The following PARD3B variants were observed in gnomAD, a reference collection of about 807,000 sequenced individuals.
PARD3B encodes the protein par-3 family cell polarity regulator beta, also known as partitioning defective 3 homolog B.
PARD3B carries 103 observed loss-of-function variants against 130.2 expected under a neutral mutation model. That is an observed-to-expected ratio of 0.79 (90% CI 0.67 to 0.93). The LOEUF is 0.93. PARD3B is among the 40% of genes least tolerant of loss of function. PARD3B has a pLI of 0.00. For missense variants in PARD3B, 1,609 were observed against 1,499.2 expected, an observed-to-expected ratio of 1.07 and a Z score of -1.21; for synonymous variants, 583 against 553.2, an observed-to-expected ratio of 1.05 and a Z score of -0.76.
chr2:205,057,601 ATATGTGTATGTG>A (rs140277636), intron 4 of PARD3B, among the ~76,000 whole-genome samples: 8 of 73,626 alleles, frequency 1.1e-4, no homozygotes, highest in African/African-American at 4.2e-4. Flanking sequence ...ATATATACAT[ATATGTGTATGTG>A]TATGTGTATA....
intron 2 of PARD3B, among the ~76,000 whole-genome samples, chr2:204,720,819 C>T (rs571990679): frequency 4.1e-4 from 62 of 152,144 alleles, no homozygotes; most frequent in African/African-American, 1.4e-3. Flanking sequence ...CTTTCTCATG[C>T]GGAAGTTTCA....
chr2:204,629,692 T>C (rs1403229135), intron 1 of PARD3B, among the ~76,000 whole-genome samples: 1 of 152,186 alleles, frequency 6.6e-6, no homozygotes, highest in East Asian at 1.9e-4. Flanking sequence ...TTACCTGAAG[T>C]ATCTTATTAA....
At chr2:205,552,177 A>G (rs1356284192) in intron 21 of PARD3B, among the ~76,000 whole-genome samples, 1 of 152,156 alleles carries the variant, frequency 6.6e-6, no homozygotes, top group Admixed American at 6.5e-5. Flanking sequence ...GCTGATGGAA[A>G]AGACTCCAAG....
chr2:205,280,940 G>A lies in PARD3B; in HGVS notation c.2186-19590G>A, dbSNP rs548887537. Among the ~76,000 whole-genome samples, 22 of 152,288 alleles carry A rather than the reference G, an allele frequency of 1.4e-4. No homozygotes were observed. The highest frequency in any genetic ancestry group is 2.1e-4 in the South Asian group (1 of 4,826). ...TTGATTCCTTTTATTACTAGCAGCCGTTTAACCTGACCTCTTCCAGATCCA... is the reference window on the plus strand; with the variant it reads ...TTGATTCCTTTTATTACTAGCAGCCATTTAACCTGACCTCTTCCAGATCCA... On this transcript the variant is annotated intron_variant, in intron 16 of 22. Transcript: ENST00000406610. The surrounding 1 kb of genome is among the most constrained non-coding windows in gnomAD (Gnocchi z 4.7).
chr2:204,983,350 A>G (rs958711120), intron 3 of PARD3B, among the ~76,000 whole-genome samples: 1 of 148,494 alleles, frequency 6.7e-6, no homozygotes, highest in Non-Finnish European at 1.5e-5. Flanking sequence ...GAAGGTTCCA[A>G]CCGAGGCTTT....
rs954795787 is a variant in PARD3B, at chr2:205,318,401, T to C, written c.2630+16700T>C. 6.0e-4 allele frequency among the ~76,000 whole-genome samples: 92 copies of C among 152,164 alleles called. 1 individual carries two copies. The highest frequency in any genetic ancestry group is 6.0e-3 in the Admixed American group (91 of 15,284). ...TGTCATTGTCCCCTCCCTAGCTCTGTCATGTCTTTGTTATTCCCATACTAT... is the reference window on the plus strand; with the variant it reads ...TGTCATTGTCCCCTCCCTAGCTCTGCCATGTCTTTGTTATTCCCATACTAT... On this transcript the variant is annotated intron_variant, in intron 18 of 22. Coordinates refer to ENST00000406610, the MANE Select transcript of PARD3B (RefSeq NM_001302769.2).
intron 1 of PARD3B, among the ~76,000 whole-genome samples, chr2:204,644,109 C>T (rs2125158032): frequency 6.6e-6 from 1 of 152,308 alleles, no homozygotes; most frequent in Middle Eastern, 3.4e-3. Context: ...CACATCTCAT[C>T]CCATCCCATT....
intron 4 of PARD3B, among the ~76,000 whole-genome samples, chr2:205,065,346 C>A (rs981195422): frequency 6.6e-6 from 1 of 152,208 alleles, no homozygotes; most frequent in East Asian, 1.9e-4. Flanking sequence ...GTGAGACATT[C>A]TGTTGACGAC....
intron 4 of PARD3B, among the ~76,000 whole-genome samples, chr2:205,079,067 CTA>C (rs1701241444): frequency 6.6e-6 from 1 of 152,198 alleles, no homozygotes; most frequent in South Asian, 2.1e-4. Context: ...CCCACAAACT[CTA>C]TGAGATGTGA....
At position 204,696,250 on chromosome 2, in the gene PARD3B, G is replaced by C. The variant is rs556607920; in HGVS notation, c.222+9968G>C. ...ACCTTCCGTTAAATCATGACCTGAG[G>C]TCTCATGATTTAACGGAAGAAAAAA... On this transcript the variant is annotated intron_variant, in intron 2 of 22. Coordinates refer to ENST00000406610, the MANE Select transcript of PARD3B (RefSeq NM_001302769.2). Among the ~76,000 whole-genome samples, 27 of 151,942 alleles carry C rather than the reference G, an allele frequency of 1.8e-4. 2 individuals are homozygous for C. In the East Asian group the frequency reaches 4.5e-3, roughly 25 times the overall value.
chr2:204,883,518 G>T (rs1227186712), intron 2 of PARD3B, among the ~76,000 whole-genome samples: 2 of 138,936 alleles, frequency 1.4e-5, no homozygotes, highest in African/African-American at 2.8e-5. Flanking sequence ...GCCCAATCTC[G>T]CTCGCTGCAA....
At chr2:205,049,823 C>A (rs1344116566) in intron 4 of PARD3B, among the ~76,000 whole-genome samples, 1 of 152,092 alleles carries the variant, frequency 6.6e-6, no homozygotes, top group Non-Finnish European at 1.5e-5. Flanking sequence ...GGGCTGAGTC[C>A]CTGTGTATCA....
In PARD3B at chr2:205,067,072, A is replaced by G. The variant is rs1575689165; in HGVS notation, c.504+19382A>G. 8.2e-5 allele frequency among the ~76,000 whole-genome samples: 7 copies of G among 85,410 alleles called. 1 individual carries two copies. The highest frequency in any genetic ancestry group is 7.5e-4 in the Admixed American group (7 of 9,346). 56.0% of individuals were successfully genotyped at this position (85,410 alleles called of 152,430 possible). On this transcript the variant is annotated intron_variant, in intron 4 of 22. Transcript: ENST00000406610. ...TTTTGGTCACCAAATATTTCTTTGC[A>G]TCTTGCATCCACTTTTACTAGGCTT...
At chr2:204,785,564 T>C (rs2041979774) in intron 2 of PARD3B, among the ~76,000 whole-genome samples, 1 of 152,260 alleles carries the variant, frequency 6.6e-6, no homozygotes, top group Admixed American at 6.5e-5. Context: ...ACCAAACCCA[T>C]AAAAATACTT....
Position 205,578,547 on chromosome 2 carries a change from A to C in PARD3B, c.3260+25144A>C, listed in dbSNP as rs142690072. ...ATATCTACTATGAAACATAAATAAA[A>C]CATGTATCCTTACAAGATAAAGTAA... On this transcript the variant is annotated intron_variant, in intron 22 of 22. Transcript: ENST00000406610. 4.9e-4 allele frequency among the ~76,000 whole-genome samples: 74 copies of C among 152,318 alleles called. No homozygotes were observed. In the East Asian group the frequency reaches 0.014, roughly 29 times the overall value.
At chr2:204,595,886 G>A (rs1330358006) in intron 1 of PARD3B, among the ~76,000 whole-genome samples, 1 of 152,198 alleles carries the variant, frequency 6.6e-6, no homozygotes, top group Non-Finnish European at 1.5e-5. Context: ...GAATTCTTCA[G>A]TGAAACAAAG....
chr2:204,562,323 A>C (rs1159331481), intron 1 of PARD3B, among the ~76,000 whole-genome samples: 1 of 152,198 alleles, frequency 6.6e-6, no homozygotes, highest in African/African-American at 2.4e-5. Context: ...CTAAGATCTG[A>C]TTGCTTATAG....
chr2:205,284,693 A>G (rs553568411), intron 16 of PARD3B, among the ~76,000 whole-genome samples: 19 of 152,280 alleles, frequency 1.2e-4, no homozygotes, highest in African/African-American at 4.6e-4. Flanking sequence ...GAAAACTGAC[A>G]TTCTGCTCAG....
At chr2:205,436,635 A>G (rs753845683) in intron 19 of PARD3B, among the ~76,000 whole-genome samples, 2 of 152,052 alleles carry the variant, frequency 1.3e-5, no homozygotes, top group East Asian at 1.9e-4. Context: ...TAACATGGGC[A>G]TAGTGGTCTA....
Sources: gnomAD v4.1 joint callset for allele counts (sites outside exome capture counted in the v4.1 genomes callset) on GRCh38, gnomAD v4.1.1 for gene constraint, Gnocchi (gnomAD v3.1) non-coding constraint, MANE v1.5 for transcripts, NCBI Gene and HGNC (gene_info 2026-07-23, HGNC 2026-07-21) for gene names.